SDC2: variants seen among roughly 807,000 people sequenced by gnomAD.
SDC2 encodes the protein syndecan 2, also known as syndecan-2.
A neutral mutation model predicts 22.2 loss-of-function variants in SDC2; 13 were observed. That is an observed-to-expected ratio of 0.59 (90% CI 0.38 to 0.93). The LOEUF (loss-of-function observed/expected upper bound fraction) is 0.93, where lower values mean the gene tolerates loss of function less well. Among genes scored for constraint, SDC2 ranks in the 40% least tolerant of loss-of-function variants. The pLI is 0.00. For missense variants in SDC2, 235 were observed against 246.8 expected (o/e 0.95, Z 0.32); for synonymous variants, 94 against 92.8 (o/e 1.01, Z -0.07).
rs999810514 is a variant in SDC2 at position 96,609,822 on chromosome 8, C to A, written c.*274C>A. 5 of 257,736 alleles carry A rather than the reference C, an allele frequency of 1.9e-5. No homozygotes were observed. The highest frequency in any genetic ancestry group is 3.6e-5 in the Non-Finnish European group (5 of 137,464). The allele number at this position is 257,736 out of a possible 1,614,324, so 16.0% of individuals were successfully genotyped here. On this transcript the variant is annotated 3_prime_UTR_variant, in exon 5 of 5. Transcript: ENST00000302190. ...CATGGAATTGGTTTAAACTTTTATG[C>A]GCAAATACAAAATGATTGTCTTTTT...
chr8:96,565,084 A>ATTTTTTT (rs11304418), intron 1 of SDC2, among the ~76,000 whole-genome samples: 725 of 67,780 alleles, frequency 0.011, 78 homozygotes, highest in Middle Eastern at 0.028. Context: ...CCTAAATTTG[A>ATTTTTTT]TTTTTTTTTT....
rs1815167005 is a variant in SDC2, at chr8:96,611,059, A to G, written c.*1511A>G. 6.6e-6 allele frequency: 1 copy of G among 152,636 alleles called. No homozygotes were observed. Among genetic ancestry groups the G allele is most frequent in the Non-Finnish European group, 1.5e-5 (1 of 68,056 alleles). The allele number at this position is 152,636 out of a possible 1,614,324, so 9.5% of individuals were successfully genotyped here. On this transcript the variant is annotated 3_prime_UTR_variant, in exon 5 of 5. Coordinates refer to ENST00000302190, the MANE Select transcript of SDC2 (RefSeq NM_002998.4). Reference sequence around the variant, plus strand: ...GATTTACCTTTGGAATTGTGCTCCAAATGTCTACTGAAGCTTAACCGAAGA... The same window carrying G: ...GATTTACCTTTGGAATTGTGCTCCAGATGTCTACTGAAGCTTAACCGAAGA...
At chr8:96,597,862 G>A (rs1395786918) in intron 2 of SDC2, among the ~76,000 whole-genome samples, 1 of 152,162 alleles carries the variant, frequency 6.6e-6, no homozygotes, top group Non-Finnish European at 1.5e-5. Context: ...ATCTAACAAT[G>A]TTTTCTCTGG....
intron 1 of SDC2, among the ~76,000 whole-genome samples, chr8:96,568,981 T>C (rs999402028): frequency 2.0e-5 from 3 of 152,094 alleles, no homozygotes; most frequent in Non-Finnish European, 4.4e-5. Flanking sequence ...TAAGATAGAA[T>C]GTAGAATGCT....
intron 1 of SDC2, among the ~76,000 whole-genome samples, chr8:96,564,551 G>A (rs1186865412): frequency 6.6e-6 from 1 of 152,202 alleles, no homozygotes; most frequent in Non-Finnish European, 1.5e-5. Flanking sequence ...ACACAGAGAG[G>A]TAAAGGGTCT....
intron 1 of SDC2, among the ~76,000 whole-genome samples, chr8:96,524,046 A>G (rs192428528): frequency 6.6e-6 from 1 of 152,332 alleles, no homozygotes; most frequent in Non-Finnish European, 1.5e-5. Context: ...AGGGCAAGGA[A>G]TGTTTTACAG....
At chr8:96,506,562 G>A (rs928760506) in intron 1 of SDC2, among the ~76,000 whole-genome samples, 2 of 151,940 alleles carry the variant, frequency 1.3e-5, no homozygotes, top group Admixed American at 1.3e-4. Flanking sequence ...CTGCAACCTC[G>A]ATCTCCTGGG....
At chr8:96,545,895 C>T (rs867187753) in intron 1 of SDC2, among the ~76,000 whole-genome samples, 2 of 152,128 alleles carry the variant, frequency 1.3e-5, no homozygotes, top group African/African-American at 2.4e-5. Context: ...GATGAGGTTT[C>T]GGAGTTAAGA....
chr8:96,508,223 G>A (rs1369584643), intron 1 of SDC2, among the ~76,000 whole-genome samples: 7 of 151,648 alleles, frequency 4.6e-5, no homozygotes, highest in Non-Finnish European at 8.8e-5. Context: ...ATGAACCCGG[G>A]AGGCGGAGCT....
intron 1 of SDC2, among the ~76,000 whole-genome samples, chr8:96,519,053 A>G (rs1813453680): frequency 6.6e-6 from 1 of 152,094 alleles, no homozygotes; most frequent in Non-Finnish European, 1.5e-5. Flanking sequence ...AGACACTCCC[A>G]CTACAGAGCC....
At chr8:96,605,698 G>A (rs1162255726) in intron 3 of SDC2, among the ~76,000 whole-genome samples, 2 of 152,164 alleles carry the variant, frequency 1.3e-5, no homozygotes, top group Admixed American at 1.3e-4. Flanking sequence ...TTGCAATTTG[G>A]GAATGACAGT....
intron 1 of SDC2, among the ~76,000 whole-genome samples, chr8:96,591,641 G>C (rs1338723327): frequency 1.3e-5 from 2 of 152,120 alleles, no homozygotes; most frequent in African/African-American, 2.4e-5. Flanking sequence ...TCCTAAAATA[G>C]TACTTTATAA....
chr8:96,578,397 C>T (rs1295637081), intron 1 of SDC2, among the ~76,000 whole-genome samples: 1 of 152,140 alleles, frequency 6.6e-6, no homozygotes, highest in Non-Finnish European at 1.5e-5. Context: ...GACTCAATAG[C>T]CATATGTGGC....
intron 1 of SDC2, among the ~76,000 whole-genome samples, chr8:96,512,362 C>T (rs1813341986): frequency 2.0e-5 from 3 of 152,220 alleles, no homozygotes; most frequent in African/African-American, 7.2e-5. Context: ...GTCCTGTCAG[C>T]AGTTTCAGTA....
chr8:96,578,471 C>T (rs978780009), intron 1 of SDC2, among the ~76,000 whole-genome samples: 10 of 152,192 alleles, frequency 6.6e-5, no homozygotes, highest in South Asian at 2.1e-4. Flanking sequence ...TTTTATTAGA[C>T]AGCCCTAATG....
Position 96,581,446 on chromosome 8 carries a change from A to G in SDC2, c.61-12034A>G, listed in dbSNP as rs193090117. On this transcript the variant is annotated intron_variant, in intron 1 of 4. Coordinates refer to ENST00000302190, the MANE Select transcript of SDC2 (RefSeq NM_002998.4). ...GGAGTTCGAGACCAACCTGGCCAAC[A>G]TGGTGAAACCCCGTCTCTACTAAAA... Among the ~76,000 whole-genome samples, 955 of 152,280 alleles carry G rather than the reference A, an allele frequency of 6.3e-3. 11 individuals carry two copies. Among genetic ancestry groups the G allele is most frequent in the African/African-American group, 0.022 (914 of 41,540 alleles).
In SDC2 at chr8:96,541,159, G is replaced by A. The variant is rs1044770692; in HGVS notation, c.60+46828G>A. 8.5e-5 allele frequency among the ~76,000 whole-genome samples: 13 copies of A among 152,176 alleles called. No homozygotes were observed. In the East Asian group the frequency reaches 2.3e-3, roughly 27 times the overall value. ...AAGAAGGAAATTGTAGACTGGGCAC[G>A]GTGGCTCACACCTATAATCCCAGCA... On this transcript the variant is annotated intron_variant, in intron 1 of 4. Transcript: ENST00000302190.
At chr8:96,568,050 A>G (rs1586304433) in intron 1 of SDC2, among the ~76,000 whole-genome samples, 1 of 152,360 alleles carries the variant, frequency 6.6e-6, no homozygotes, top group East Asian at 1.9e-4. Flanking sequence ...ACCCTAGTGT[A>G]TGGCAGTAAA....
intron 1 of SDC2, among the ~76,000 whole-genome samples, chr8:96,576,479 G>GC (rs1432732900): frequency 2.0e-4 from 17 of 83,412 alleles, no homozygotes; most frequent in Admixed American, 2.4e-4. Context: ...GAGTGCAGTG[G>GC]CGGGACCTCG....
Sources: allele counts gnomAD v4.1 joint callset (sites outside exome capture counted in the v4.1 genomes callset), GRCh38; gene constraint gnomAD v4.1.1; transcripts MANE v1.5; gene names NCBI Gene and HGNC (gene_info 2026-07-23, HGNC 2026-07-21).